The following SGK1 variants were observed in gnomAD, a reference collection of about 807,000 sequenced individuals.
SGK1 encodes serine/threonine-protein kinase Sgk1.
Under a neutral mutation model 64.2 loss-of-function variants are expected in SGK1, and 26 were observed. The observed-to-expected ratio is 0.40, with a 90% confidence interval of 0.30 to 0.56. The LOEUF is 0.56. Ranked by LOEUF, SGK1 falls within the 20% of genes least tolerant of loss-of-function variation. SGK1 has a pLI of 0.38. For synonymous variants in SGK1, 265 were observed against 239.7 expected (o/e 1.11, Z -0.98); for missense variants, 519 against 645.6 (o/e 0.80, Z 2.12).
intron 2 of SGK1, among the ~76,000 whole-genome samples, chr6:134,232,340 T>C (rs1776291277): frequency 6.7e-6 from 1 of 149,228 alleles, no homozygotes. Context: ...AGCCAGGATC[T>C]CACCACTGTA....
intron 3 of SGK1, among the ~76,000 whole-genome samples, chr6:134,206,222 C>T (rs1431820797): frequency 6.6e-6 from 1 of 151,136 alleles, no homozygotes; most frequent in Non-Finnish European, 1.5e-5. Flanking sequence ...CAAACTTGGA[C>T]TCATGTGTTT....
In SGK1 at chr6:134,250,058, C is replaced by T. The variant is rs140177747; in HGVS notation, c.285+11875G>A. On this transcript the variant is annotated intron_variant, in intron 2 of 13. Transcript: ENST00000367858. ...CCAAGTTCCTGAATTTTTTTTCTCA[C>T]ATAGAAATCTAGATGAATCCCCTGA... is the stretch of plus-strand genomic sequence containing the variant. Among the ~76,000 whole-genome samples, 1,281 of 152,242 alleles carry T rather than the reference C, an allele frequency of 8.4e-3. 49 individuals carry two copies. The highest frequency in any genetic ancestry group is 0.071 in the Admixed American group (1,084 of 15,282).
chr6:134,188,053 G>T (rs1285367335), intron 3 of SGK1, among the ~76,000 whole-genome samples: 1 of 152,130 alleles, frequency 6.6e-6, no homozygotes, highest in African/African-American at 2.4e-5. Context: ...CTCCATCCTT[G>T]CCACCATGGC....
Position 134,173,583 on chromosome 6 carries a change from AG to A in SGK1, c.514-18del. 1.3e-6 allele frequency: 2 copies of A among 1,509,498 alleles called. No homozygotes were observed. Among genetic ancestry groups the A allele is most frequent in the Non-Finnish European group, 1.8e-6 (2 of 1,104,612 alleles). 93.5% of individuals were successfully genotyped at this position (1,509,498 alleles called of 1,614,324 possible). A position where few individuals can be genotyped will look rare whatever the true frequency, so the allele number is the denominator to read the frequency against. On this transcript the variant is annotated intron_variant, in intron 5 of 13. Coordinates refer to ENST00000367858, the MANE Select transcript of SGK1 (RefSeq NM_001143676.3). ...AGGACTTGGCTAGAAAAAAAAAAAA[AG>A]AATTTCTTTTAATACCATTGCTTCA...
chr6:134,244,619 T>C (rs1228733336), intron 2 of SGK1, among the ~76,000 whole-genome samples: 2 of 152,142 alleles, frequency 1.3e-5, no homozygotes, highest in Non-Finnish European at 2.9e-5. Context: ...CCCCACCTGC[T>C]TCTGCTCGCC....
intron 1 of SGK1, among the ~76,000 whole-genome samples, chr6:134,293,225 A>C (rs1241573783): frequency 1.3e-5 from 2 of 152,246 alleles, no homozygotes; most frequent in Non-Finnish European, 2.9e-5. Context: ...GTATATTTCA[A>C]AAAATGTCTT....
At chr6:134,312,170 C>T (rs7762476) in intron 1 of SGK1, among the ~76,000 whole-genome samples, 17,056 of 152,218 alleles carry the variant, frequency 0.11, 1,496 homozygotes, top group African/African-American at 0.24. Flanking sequence ...TTTAACAAAT[C>T]AGTTAACCTC....
At chr6:134,238,954 A>G (rs1237150662) in intron 2 of SGK1, among the ~76,000 whole-genome samples, 5 of 152,220 alleles carry the variant, frequency 3.3e-5, no homozygotes, top group Non-Finnish European at 5.9e-5. Flanking sequence ...TTAAACTGTA[A>G]ATATTCTAAA....
intron 2 of SGK1, among the ~76,000 whole-genome samples, chr6:134,229,044 C>T (rs1177187871): frequency 1.3e-5 from 2 of 152,118 alleles, no homozygotes; most frequent in Non-Finnish European, 2.9e-5. Flanking sequence ...GGGGTTTCAC[C>T]GTGGTCTCGA....
chr6:134,308,803 C>A (rs572451554), intron 1 of SGK1, among the ~76,000 whole-genome samples: 6 of 152,248 alleles, frequency 3.9e-5, no homozygotes, highest in Non-Finnish European at 7.3e-5. Context: ...GTGATCCACC[C>A]GCCTCAGCCT....
chr6:134,235,395 G>A (rs1018540033), intron 2 of SGK1, among the ~76,000 whole-genome samples: 15 of 152,004 alleles, frequency 9.9e-5, no homozygotes, highest in Admixed American at 4.6e-4. Context: ...TAAAGAAAGC[G>A]GGGGGAGGAA....
intron 2 of SGK1, among the ~76,000 whole-genome samples, chr6:134,210,756 G>A (rs1454479812): frequency 2.0e-5 from 3 of 147,206 alleles, no homozygotes; most frequent in African/African-American, 7.7e-5. Context: ...AAGTTGAGGT[G>A]AGCCGAGATT....
At position 134,304,254 on chromosome 6, in the gene SGK1, C is replaced by T. The variant is rs148976792; in HGVS notation, c.69+13138G>A. Among the ~76,000 whole-genome samples, 765 of 152,346 alleles carry T rather than the reference C, an allele frequency of 5.0e-3. 4 individuals are homozygous for T. Among genetic ancestry groups the T allele is most frequent in the Non-Finnish European group, 6.6e-3 (447 of 68,036 alleles). On this transcript the variant is annotated intron_variant, in intron 1 of 13. Coordinates refer to ENST00000367858, the MANE Select transcript of SGK1 (RefSeq NM_001143676.3). The stretch of plus-strand genomic sequence containing the variant: ...TGAGTGACACTGAATTCCTAATCCA[C>T]AGAATCATGAGTAAATAAATGACAG...
chr6:134,182,508 A>G (rs558901189), intron 3 of SGK1, among the ~76,000 whole-genome samples: 1 of 151,854 alleles, frequency 6.6e-6, no homozygotes, highest in East Asian at 1.9e-4. Flanking sequence ...AAAAAAAAAA[A>G]GGAAATAAAG....
chr6:134,209,172 C>T (rs1326346202), intron 2 of SGK1, among the ~76,000 whole-genome samples: 1 of 151,950 alleles, frequency 6.6e-6, no homozygotes, highest in Non-Finnish European at 1.5e-5. Flanking sequence ...GGTGGCTCAC[C>T]CCTGTAATCC....
chr6:134,257,624 G>A (rs1038241352), intron 2 of SGK1, among the ~76,000 whole-genome samples: 3 of 151,872 alleles, frequency 2.0e-5, no homozygotes, highest in Non-Finnish European at 4.4e-5. Context: ...GCCAAGCATA[G>A]GATCTCAGAC....
intron 1 of SGK1, among the ~76,000 whole-genome samples, chr6:134,312,700 C>T (rs1777624376): frequency 6.6e-6 from 1 of 152,164 alleles, no homozygotes; most frequent in Non-Finnish European, 1.5e-5. Context: ...TCTTCAACTT[C>T]TGTACACCTC....
chr6:134,172,827 T>G, intron 8 of SGK1, 53 bp from the exon 9 acceptor site: 1 of 1,370,758 alleles, frequency 7.3e-7, no homozygotes, highest in Non-Finnish European at 1.0e-6. Flanking sequence ...TTAATTAGTT[T>G]TGACATACAC....
At chr6:134,184,730 C>CT (rs1775394695) in intron 3 of SGK1, among the ~76,000 whole-genome samples, 1 of 152,118 alleles carries the variant, frequency 6.6e-6, no homozygotes, top group Middle Eastern at 3.2e-3. Context: ...GTCCCGCAGT[C>CT]TGGAGTGCAG....
Sources: gnomAD v4.1 joint callset for allele counts (sites outside exome capture counted in the v4.1 genomes callset) on GRCh38, gnomAD v4.1.1 for gene constraint, MANE v1.5 for transcripts, NCBI Gene and HGNC (gene_info 2026-07-23, HGNC 2026-07-21) for gene names.